The following PRKDC variants were observed in gnomAD, a reference collection of about 807,000 sequenced individuals.
The protein encoded by PRKDC is protein kinase, DNA-activated, catalytic subunit, also known as DNA-dependent protein kinase catalytic subunit.
In PRKDC, 82 loss-of-function variants were observed where a neutral mutation model predicts 486.9. The ratio of observed to expected loss-of-function variants is 0.17; its 90% CI spans 0.14 to 0.20. The LOEUF (loss-of-function observed/expected upper bound fraction) is 0.20, where lower values mean the gene tolerates loss of function less well. Among genes scored for constraint, PRKDC ranks in the 10% least tolerant of loss-of-function variants. The pLI, the probability that PRKDC is intolerant of heterozygous loss-of-function variation, is 1.00. For missense variants in PRKDC, 4,504 were observed against 5,038.2 expected (o/e 0.89, Z 3.21); for synonymous variants, 1,895 against 1,837.0 (o/e 1.03, Z -0.81).
At chr8:47,859,324 A>G (rs1451602991) in intron 46 of PRKDC, among the ~76,000 whole-genome samples, 1 of 151,482 alleles carries the variant, frequency 6.6e-6, no homozygotes, top group Non-Finnish European at 1.5e-5. Flanking sequence ...CTGCTATGTG[A>G]CCCCCTGAAC....
rs558408028 is a variant in PRKDC at position 47,869,171 on chromosome 8, T to C, written c.5364-4408A>G. On this transcript the variant is annotated intron_variant, in intron 40 of 85. Transcript: ENST00000314191. ...AGAACAAGTGGACTTGGGGGGCACA[T>C]AACCTGAGATACCAGCTGTGGCCAC... Among the ~76,000 whole-genome samples the C allele has an allele frequency of 2.6e-5, 4 of 152,106 alleles. No homozygotes were observed. The South Asian group carries it at 8.3e-4, about 32-fold the overall frequency.
At chr8:47,955,765 G>C in intron 4 of PRKDC, 109 bp downstream of exon 4, 1 of 825,770 alleles carries the variant, frequency 1.2e-6, no homozygotes, top group Non-Finnish European at 1.9e-6. Flanking sequence ...AATGTGATTA[G>C]ATCCTATCCT....
chr8:47,828,432 C>G (rs2087787563), intron 61 of PRKDC, 85 bp from the exon 62 acceptor site: 1 of 1,074,660 alleles, frequency 9.3e-7, no homozygotes. Flanking sequence ...TTGGAAAATA[C>G]AAACTGTTGC....
chr8:47,918,652 A>G (rs1167034794), intron 21 of PRKDC, among the ~76,000 whole-genome samples: 1 of 152,236 alleles, frequency 6.6e-6, no homozygotes, highest in Admixed American at 6.5e-5. Flanking sequence ...GCTCCCACGC[A>G]TCACACTCGG....
Position 47,789,222 on chromosome 8 carries a change from C to G in PRKDC, c.10687G>C (p.Asp3563His). 1.3e-6 allele frequency: 2 copies of G among 1,589,790 alleles called. No individual in the cohort carries two copies. The highest frequency in any genetic ancestry group is 1.7e-6 in the Non-Finnish European group (2 of 1,171,142). The change falls in exon 75 of 86, where the codon GAT (aspartate) becomes CAT (histidine). Residue 3563 changes from aspartate to histidine, a missense_variant. By Grantham distance (81) the Asp-to-His change is moderately conservative. Around this residue, in one of 6 missense-constraint regions of PRKDC, gnomAD observed 706 missense variants for 945.0 expected, o/e 0.75. Transcript: ENST00000314191. The stretch of plus-strand genomic sequence containing the variant: ...AAATCTTGAATCACTCCTCCTTGAT[C>G]CAACTTACTTTTAATCCTATTTAAA... The part of the protein sequence containing the change: ...EFVARIKSKL[D>H]QGGVIQDFIN...
At chr8:47,841,405 T>A (rs2088140500) in intron 54 of PRKDC, among the ~76,000 whole-genome samples, 1 of 152,170 alleles carries the variant, frequency 6.6e-6, no homozygotes, top group Non-Finnish European at 1.5e-5. Context: ...TCTACACGCC[T>A]ATCTGTCAAC....
intron 60 of PRKDC, 43 bp downstream of exon 60, chr8:47,831,771 A>C: frequency 6.3e-7 from 1 of 1,591,060 alleles, no homozygotes; most frequent in African/African-American, 1.3e-5. Flanking sequence ...ATCCTGTGAC[A>C]GAAACTGCAT....
intron 59 of PRKDC, among the ~76,000 whole-genome samples, chr8:47,833,328 CCA>C (rs2087933160): frequency 6.6e-6 from 1 of 152,182 alleles, no homozygotes; most frequent in Non-Finnish European, 1.5e-5. Context: ...AAGTTTACTT[CCA>C]CAGAGCTGAG....
intron 69 of PRKDC, among the ~76,000 whole-genome samples, chr8:47,804,360 C>T (rs896390299): frequency 1.4e-5 from 2 of 146,978 alleles, no homozygotes; most frequent in Non-Finnish European, 3.0e-5. Context: ...AGTGCAATGG[C>T]ACAATCTCGG....
chr8:47,896,179 C>T (rs1296221085), intron 30 of PRKDC, among the ~76,000 whole-genome samples: 5 of 151,506 alleles, frequency 3.3e-5, no homozygotes, highest in Non-Finnish European at 7.4e-5. Flanking sequence ...ATAAAATAAT[C>T]TAATTCAGTT....
chr8:47,884,099 G>C lies in PRKDC; in HGVS notation c.4776+1845C>G, dbSNP rs148864971. Among the ~76,000 whole-genome samples the C allele has an allele frequency of 5.9e-5, 9 of 152,384 alleles. No homozygotes were observed. In the East Asian group the frequency reaches 1.5e-3, roughly 26 times the overall value. On this transcript the variant is annotated intron_variant, in intron 36 of 85. Coordinates refer to ENST00000314191, the MANE Select transcript of PRKDC (RefSeq NM_006904.7). ...GAAAGTCTAGAATTTAGGTAGGTTA[G>C]TACTTAACTTTCCTCTTTTCCTGAT...
intron 38 of PRKDC, among the ~76,000 whole-genome samples, chr8:47,880,753 C>T (rs1195880556): frequency 6.6e-6 from 1 of 151,954 alleles, no homozygotes; most frequent in Non-Finnish European, 1.5e-5. Context: ...TAATCTTATA[C>T]TTTAAAAGAA....
At chr8:47,821,138 C>A (rs1277928204) in intron 65 of PRKDC, among the ~76,000 whole-genome samples, 195 bp from the exon 66 acceptor site, 1 of 152,106 alleles carries the variant, frequency 6.6e-6, no homozygotes, top group Admixed American at 6.5e-5. Flanking sequence ...TTTGTAACCA[C>A]AAAATATATA....
chr8:47,957,305 A>C, intron 2 of PRKDC, 42 bp from the exon 3 acceptor site: 3 of 1,577,850 alleles, frequency 1.9e-6, no homozygotes, highest in Middle Eastern at 1.7e-4. Context: ...GGGTAAGAGG[A>C]GTCACTCCAG....
intron 28 of PRKDC, among the ~76,000 whole-genome samples, chr8:47,899,963 T>A (rs2089650342): frequency 6.6e-6 from 1 of 152,214 alleles, no homozygotes; most frequent in Non-Finnish European, 1.5e-5. Context: ...GAGATCCACT[T>A]TCTACTTTCT....
chr8:47,777,950 CTCACATAG>C, intron 83 of PRKDC, 76 bp from the exon 84 acceptor site: 1 of 1,314,398 alleles, frequency 7.6e-7, no homozygotes, highest in Non-Finnish European at 1.1e-6. Context: ...TGGCAGCATC[CTCACATAG>C]TTACTGTTCA....
intron 40 of PRKDC, among the ~76,000 whole-genome samples, chr8:47,876,992 A>G (rs905993171): frequency 6.6e-6 from 1 of 152,254 alleles, no homozygotes; most frequent in Non-Finnish European, 1.5e-5. Flanking sequence ...TAAGAAGTAT[A>G]AAGTATCAAC....
chr8:47,892,314 C>G (rs1341455292), intron 31 of PRKDC, among the ~76,000 whole-genome samples: 1 of 151,884 alleles, frequency 6.6e-6, no homozygotes. Flanking sequence ...GCACTAATAA[C>G]AAATATAATA....
intron 21 of PRKDC, among the ~76,000 whole-genome samples, chr8:47,923,457 G>A (rs1344137901): frequency 6.6e-6 from 1 of 152,172 alleles, no homozygotes; most frequent in African/African-American, 2.4e-5. Flanking sequence ...GGAGATTCAG[G>A]CCATGTGTCT....
Sources: allele counts gnomAD v4.1 joint callset (sites outside exome capture counted in the v4.1 genomes callset), GRCh38; gene constraint gnomAD v4.1.1; regional missense constraint gnomAD v4.1.1; transcripts MANE v1.5; gene names NCBI Gene and HGNC (gene_info 2026-07-23, HGNC 2026-07-21).